The following NUP205 variants were observed in gnomAD, a reference collection of about 807,000 sequenced individuals.
NUP205 encodes the protein nuclear pore complex protein Nup205.
Under a neutral mutation model 253.8 loss-of-function variants are expected in NUP205, and 76 were observed. The ratio of observed to expected loss-of-function variants is 0.30; its 90% CI spans 0.25 to 0.36. The LOEUF (loss-of-function observed/expected upper bound fraction) is 0.36. NUP205 is among the 10% of genes least tolerant of loss of function. The pLI is 1.00. For synonymous variants in NUP205, 832 were observed against 850.1 expected, an observed-to-expected ratio of 0.98 and a Z score of 0.37; for missense variants, 2,162 against 2,425.5, an observed-to-expected ratio of 0.89 and a Z score of 2.28.
intron 18 of NUP205, 129 bp from the exon 19 acceptor site, chr7:135,604,211 A>T (rs575155664): frequency 1.5e-4 from 99 of 672,106 alleles, no homozygotes; most frequent in African/African-American, 1.4e-3. Context: ...AGAAGGGGAC[A>T]GCTTTTTCTT....
At chr7:135,576,048 A>C (rs1228887991) in intron 3 of NUP205, among the ~76,000 whole-genome samples, 1 of 152,154 alleles carries the variant, frequency 6.6e-6, no homozygotes, top group Non-Finnish European at 1.5e-5. Flanking sequence ...AAAATGGTGA[A>C]TTCCATGTCC....
intron 35 of NUP205, among the ~76,000 whole-genome samples, chr7:135,631,201 A>T (rs1235480517): frequency 6.6e-6 from 1 of 151,282 alleles, no homozygotes; most frequent in African/African-American, 2.5e-5. Flanking sequence ...GAATTTATTT[A>T]TTTTTTTATT....
rs774486453 is a variant in NUP205, at chr7:135,638,070, T to C, written c.5265+11T>C. On this transcript the variant is annotated intron_variant, in intron 37 of 42. Coordinates refer to ENST00000285968, the MANE Select transcript of NUP205 (RefSeq NM_015135.3). ...CTGGCTATGCAGCAGGTAAGAACCA[T>C]GTGACTTCTCTAAGGTTTTTATGTT... 2 of 1,607,818 alleles carry C rather than the reference T, an allele frequency of 1.2e-6. No homozygotes were observed. Among genetic ancestry groups the C allele is most frequent in the East Asian group, 2.2e-5 (1 of 44,826 alleles).
intron 1 of NUP205, among the ~76,000 whole-genome samples, chr7:135,561,004 A>G (rs1214384201): frequency 6.6e-6 from 1 of 152,206 alleles, no homozygotes; most frequent in Non-Finnish European, 1.5e-5. Context: ...TAAAAAATCA[A>G]ACATCTTGGA....
chr7:135,570,081 A>G (rs1313197954), intron 1 of NUP205, among the ~76,000 whole-genome samples: 19 of 149,768 alleles, frequency 1.3e-4, no homozygotes, highest in East Asian at 7.7e-4. Flanking sequence ...AGAGAGAGAG[A>G]GAGAGAGAGA....
At chr7:135,571,341 A>G in intron 2 of NUP205, 94 bp downstream of exon 2, 1 of 876,910 alleles carries the variant, frequency 1.1e-6, no homozygotes. Context: ...TAATTTTCAA[A>G]TTTTTTTCAG....
At chr7:135,572,471 A>T (rs1806023870) in intron 2 of NUP205, among the ~76,000 whole-genome samples, 1 of 152,216 alleles carries the variant, frequency 6.6e-6, no homozygotes, top group Non-Finnish European at 1.5e-5. Flanking sequence ...TAATTTCTGC[A>T]TCTTGAAATT....
intron 35 of NUP205, among the ~76,000 whole-genome samples, chr7:135,634,568 A>C (rs1475030569): frequency 6.6e-6 from 1 of 152,180 alleles, no homozygotes; most frequent in Non-Finnish European, 1.5e-5. Flanking sequence ...ATACTAACCA[A>C]GTTTTTGCTT....
In NUP205 at chr7:135,587,913, G is replaced by A. The variant is rs1162705207; in HGVS notation, c.1394G>A (p.Cys465Tyr). The A allele has an allele frequency of 3.1e-6, 5 of 1,613,864 alleles. No homozygotes were observed. Among genetic ancestry groups the A allele is most frequent in the Non-Finnish European group, 2.5e-6 (3 of 1,179,884 alleles). ...CTGGAGCTTGCTCTAGAATATTGGT[G>A]TCCCACAGAGCCTCTTCAGACTCCG... is the stretch of plus-strand genomic sequence containing the variant. ...FHLELALEYW[C>Y]PTEPLQTPTI... Residue 465 changes from cysteine (C) to tyrosine (Y), a missense_variant, in exon 10 of 43, where the codon TGT (cysteine) becomes TAT (tyrosine). By Grantham distance (194) the Cys-to-Tyr change is radical. Coordinates refer to ENST00000285968, the MANE Select transcript of NUP205 (RefSeq NM_015135.3).
intron 5 of NUP205, among the ~76,000 whole-genome samples, chr7:135,577,500 AGCTGTGTC>A (rs1806182667): frequency 1.3e-5 from 2 of 152,192 alleles, no homozygotes; most frequent in African/African-American, 4.8e-5. Flanking sequence ...GTTTGTAGTC[AGCTGTGTC>A]CATAAAATTG....
intron 17 of NUP205, among the ~76,000 whole-genome samples, chr7:135,601,880 G>A (rs1285044461): frequency 6.6e-6 from 1 of 152,086 alleles, no homozygotes; most frequent in Non-Finnish European, 1.5e-5. Context: ...AATTTTACTT[G>A]TTATTATTAC....
At chr7:135,619,105 T>C (rs546453956) in intron 28 of NUP205, among the ~76,000 whole-genome samples, 82 of 152,156 alleles carry the variant, frequency 5.4e-4, no homozygotes, top group Non-Finnish European at 1.0e-3. Flanking sequence ...GATTCATGCC[T>C]GCAATCCCAG....
chr7:135,616,999 T>C (rs1349709203), intron 25 of NUP205, 91 bp from the exon 26 acceptor site: 1 of 930,082 alleles, frequency 1.1e-6, no homozygotes, highest in Non-Finnish European at 1.6e-6. Context: ...TTTCTGAAAA[T>C]AGCACTGTCT....
intron 2 of NUP205, 77 bp from the exon 3 acceptor site, chr7:135,573,577 A>G: frequency 9.9e-7 from 1 of 1,007,556 alleles, no homozygotes; most frequent in Non-Finnish European, 1.5e-6. Context: ...TATCATGAAT[A>G]AGCTTCTGTA....
Position 135,598,046 on chromosome 7 carries a change from C to T in NUP205, c.2113C>T (p.Arg705Trp), listed in dbSNP as rs143219124. ...CCGGTGTGAAGAATACCCATTGACT[C>T]GGGCCTTTTGCCAGCTTATTAGTAC... Reference protein sequence around the residue: ...ESRCEEYPLTRAFCQLISTLV... With the variant: ...ESRCEEYPLTWAFCQLISTLV... Residue 705 changes from arginine to tryptophan, a missense_variant, in exon 15 of 43, where the codon CGG becomes TGG. Around this residue, in one of 5 missense-constraint regions of NUP205, gnomAD observed 892 missense variants for 957.1 expected, o/e 0.93. Coordinates refer to ENST00000285968, the MANE Select transcript of NUP205 (RefSeq NM_015135.3). 55 of 1,614,042 alleles carry T rather than the reference C, an allele frequency of 3.4e-5. 1 individual carries two copies. In the East Asian group the frequency reaches 5.8e-4, roughly 17 times the overall value.
intron 39 of NUP205, 80 bp downstream of exon 39, chr7:135,643,438 C>G: frequency 9.4e-7 from 1 of 1,064,616 alleles, no homozygotes; most frequent in Middle Eastern, 2.2e-4. Flanking sequence ...TGAGTAAAGA[C>G]AACGTATACA....
chr7:135,602,973 A>T lies in NUP205; in HGVS notation c.2681A>T (p.Asp894Val). 6.2e-7 allele frequency: 1 copy of T among 1,612,370 alleles called. No homozygotes were observed. Among genetic ancestry groups the T allele is most frequent in the Non-Finnish European group, 8.5e-7 (1 of 1,178,812 alleles). ...QGINPRTKKADNVVNIARYLY... is the reference protein window; with the variant it reads ...QGINPRTKKAVNVVNIARYLY... Reference sequence around the variant, plus strand: ...ATTAATCCCAGAACTAAGAAGGCAGATAATGTGGTAAACATTGCCAGGTAA... The same window carrying T: ...ATTAATCCCAGAACTAAGAAGGCAGTTAATGTGGTAAACATTGCCAGGTAA... Residue 894 changes from aspartate to valine, a missense_variant, in exon 18 of 43, where the codon GAT (aspartate) becomes GTT (valine). Transcript: ENST00000285968.
At chr7:135,558,296 G>C in intron 1 of NUP205, 1 of 391,682 alleles carries the variant, frequency 2.6e-6, no homozygotes, top group Non-Finnish European at 4.8e-6. Context: ...TCCCGATTTC[G>C]CTGGAATACG....
chr7:135,602,646 A>G (rs995380315), intron 17 of NUP205, among the ~76,000 whole-genome samples, 159 bp from the exon 18 acceptor site: 2 of 152,250 alleles, frequency 1.3e-5, no homozygotes, highest in African/African-American at 2.4e-5. Context: ...AAACAATGAG[A>G]GCATAAATCT....
Sources: allele counts gnomAD v4.1 joint callset (sites outside exome capture counted in the v4.1 genomes callset), GRCh38; gene constraint gnomAD v4.1.1; regional missense constraint gnomAD v4.1.1; transcripts MANE v1.5; gene names NCBI Gene and HGNC (gene_info 2026-07-23, HGNC 2026-07-21).